PPARGC1B: variants seen among roughly 807,000 people sequenced by gnomAD.
PPARGC1B encodes peroxisome proliferator-activated receptor gamma coactivator 1-beta.
In PPARGC1B, 34 loss-of-function variants were observed where a neutral mutation model predicts 101.6. The observed-to-expected ratio is 0.33, with a 90% CI of 0.25 to 0.45. The LOEUF is 0.45. Among genes scored for constraint, PPARGC1B ranks in the 20% least tolerant of loss-of-function variants. PPARGC1B has a pLI of 1.00. For missense variants in PPARGC1B, 1,234 were observed against 1,317.6 expected (o/e 0.94, Z 0.98); for synonymous variants, 548 against 539.3 (o/e 1.02, Z -0.22).
chr5:149,808,329 C>A (rs1757676166), intron 1 of PPARGC1B, among the ~76,000 whole-genome samples: 1 of 152,202 alleles, frequency 6.6e-6, no homozygotes, highest in Admixed American at 6.5e-5. Context: ...CTTCAGGTCC[C>A]CAGGCCCTGG....
At chr5:149,834,059 G>T (rs561649897) in intron 5 of PPARGC1B, among the ~76,000 whole-genome samples, 1 of 152,326 alleles carries the variant, frequency 6.6e-6, no homozygotes, top group Non-Finnish European at 1.5e-5. Flanking sequence ...CAGAAAAGGA[G>T]GATAATTACA....
At chr5:149,781,939 C>T (rs868035133) in intron 1 of PPARGC1B, among the ~76,000 whole-genome samples, 1 of 152,098 alleles carries the variant, frequency 6.6e-6, no homozygotes, top group African/African-American at 2.4e-5. Flanking sequence ...ATCATTAATG[C>T]CATTCCTGGT....
intron 1 of PPARGC1B, among the ~76,000 whole-genome samples, chr5:149,776,673 G>A (rs931068363): frequency 1.3e-5 from 2 of 152,190 alleles, no homozygotes; most frequent in Non-Finnish European, 1.5e-5. Flanking sequence ...CTGGGGCCCT[G>A]GGAATGACCC....
intron 1 of PPARGC1B, among the ~76,000 whole-genome samples, chr5:149,812,038 T>A (rs1757884574): frequency 6.6e-6 from 1 of 152,178 alleles, no homozygotes; most frequent in African/African-American, 2.4e-5. Flanking sequence ...CCTGACCAGG[T>A]ACCTACTTGG....
intron 1 of PPARGC1B, among the ~76,000 whole-genome samples, chr5:149,731,200 G>A (rs1251011395): frequency 6.6e-6 from 1 of 152,168 alleles, no homozygotes; most frequent in Non-Finnish European, 1.5e-5. Flanking sequence ...CCCCACTGGC[G>A]ACACGCGCGT....
rs374041809 is a variant in PPARGC1B at position 149,839,857 on chromosome 5, C to T, written c.2619-184C>T. 2.6e-4 allele frequency among the ~76,000 whole-genome samples: 39 copies of T among 152,250 alleles called. No homozygotes were observed. The South Asian group carries it at 8.1e-3, about 32-fold the overall frequency. On this transcript the variant is annotated intron_variant, in intron 8 of 11. Transcript: ENST00000309241. ...TAGGCATGTGTCCAGATGTTCAGGCCCACACACAGCCCTGGGCCGTCGTTG... is the reference window on the plus strand; with the variant it reads ...TAGGCATGTGTCCAGATGTTCAGGCTCACACACAGCCCTGGGCCGTCGTTG...
chr5:149,797,322 A>T (rs1180394825), intron 1 of PPARGC1B, among the ~76,000 whole-genome samples: 1 of 152,220 alleles, frequency 6.6e-6, no homozygotes, highest in Non-Finnish European at 1.5e-5. Flanking sequence ...TGTTTTCATG[A>T]ATCTCTAGCT....
At chr5:149,746,958 G>A (rs1323990802) in intron 1 of PPARGC1B, among the ~76,000 whole-genome samples, 1 of 151,902 alleles carries the variant, frequency 6.6e-6, no homozygotes, top group South Asian at 2.1e-4. Context: ...TTTGTTTTTT[G>A]TTGTTGTTGA....
intron 2 of PPARGC1B, among the ~76,000 whole-genome samples, chr5:149,824,740 T>A (rs1421672897): frequency 6.6e-6 from 1 of 152,102 alleles, no homozygotes; most frequent in South Asian, 2.1e-4. Flanking sequence ...GGGCAGCCAA[T>A]GAGCCCGCTT....
At chr5:149,857,490 G>A (rs189695783), downstream of PPARGC1B, among the ~76,000 whole-genome samples, 1 of 152,326 alleles carries the variant, frequency 6.6e-6, no homozygotes, top group East Asian at 1.9e-4. Context: ...TTGCTACTCT[G>A]CCATGTAACC....
intron 1 of PPARGC1B, among the ~76,000 whole-genome samples, chr5:149,740,831 A>AATGGTGGTC (rs1471951187): frequency 6.6e-6 from 1 of 152,214 alleles, no homozygotes; most frequent in South Asian, 2.1e-4. Flanking sequence ...GCGCTCAATA[A>AATGGTGGTC]ATGGTGGTCA....
At chr5:149,819,833 C>T (rs1287158914) in intron 1 of PPARGC1B, among the ~76,000 whole-genome samples, 1 of 152,206 alleles carries the variant, frequency 6.6e-6, no homozygotes, top group Non-Finnish European at 1.5e-5. Context: ...GCTTTATTTA[C>T]ATATTGTCTA....
intron 1 of PPARGC1B, among the ~76,000 whole-genome samples, chr5:149,754,133 T>C (rs1755421543): frequency 6.6e-6 from 1 of 152,292 alleles, no homozygotes; most frequent in African/African-American, 2.4e-5. Flanking sequence ...TAGACTTCGT[T>C]GATCTTTGCC....
intron 11 of PPARGC1B, 117 bp downstream of exon 11, chr5:149,846,031 C>A: frequency 8.3e-7 from 1 of 1,202,868 alleles, no homozygotes; most frequent in East Asian, 2.5e-5. Context: ...ATCCCCACAC[C>A]CCAGTGTGCT....
intron 1 of PPARGC1B, among the ~76,000 whole-genome samples, chr5:149,800,815 A>G (rs746378866): frequency 5.9e-5 from 9 of 152,230 alleles, no homozygotes; most frequent in African/African-American, 1.7e-4. Flanking sequence ...GAACAACAAT[A>G]AATAAATGGG....
At chr5:149,760,792 A>G (rs1755690325) in intron 1 of PPARGC1B, among the ~76,000 whole-genome samples, 1 of 152,166 alleles carries the variant, frequency 6.6e-6, no homozygotes, top group South Asian at 2.1e-4. Context: ...ATTTGCCCCA[A>G]GGTATAGCAG....
chr5:149,799,693 G>GTTGTTGTTGTTTTTTTTTTTTTTTTTT (rs752427488), intron 1 of PPARGC1B, among the ~76,000 whole-genome samples: 2 of 76,478 alleles, frequency 2.6e-5, no homozygotes, highest in African/African-American at 1.1e-4. Flanking sequence ...GCTTGTTGTT[G>GTTGTTGTTGTTTTTTTTTTTTTTTTTT]TTTTTTTTTT....
At chr5:149,835,966 T>C (rs574744533) in intron 7 of PPARGC1B, among the ~76,000 whole-genome samples, 13 of 151,150 alleles carry the variant, frequency 8.6e-5, no homozygotes, top group Admixed American at 3.9e-4. Flanking sequence ...TTCTTTTTTT[T>C]TTTTTTTTTG....
At chr5:149,739,018 C>G (rs766346708) in intron 1 of PPARGC1B, among the ~76,000 whole-genome samples, 39 of 152,184 alleles carry the variant, frequency 2.6e-4, no homozygotes, top group Non-Finnish European at 4.9e-4. Flanking sequence ...TCTGGGAGGA[C>G]AAGAAATTAT....
Sources: allele counts gnomAD v4.1 joint callset (sites outside exome capture counted in the v4.1 genomes callset), GRCh38; gene constraint gnomAD v4.1.1; transcripts MANE v1.5; gene names NCBI Gene and HGNC (gene_info 2026-07-23, HGNC 2026-07-21).